ZNF385D: variants seen among roughly 807,000 people sequenced by gnomAD.
ZNF385D encodes zinc finger protein 659.
In ZNF385D, 15 loss-of-function variants were observed where a neutral mutation model predicts 35.8. The ratio of observed to expected loss-of-function variants is 0.42; its 90% confidence interval spans 0.28 to 0.64. The LOEUF is 0.64. Ranked by LOEUF, ZNF385D falls within the 30% of genes least tolerant of loss-of-function variation. The probability of loss-of-function intolerance (pLI) is 0.23; values close to 1 mark genes in which losing one functional copy is unlikely to be tolerated. For missense variants in ZNF385D, 474 were observed against 494.6 expected (o/e 0.96, Z 0.39); for synonymous variants, 212 against 186.8 (o/e 1.13, Z -1.10).
chr3:22,297,629 G>A (rs1447504024), intron 2 of ZNF385D, among the ~76,000 whole-genome samples: 1 of 152,044 alleles, frequency 6.6e-6, no homozygotes, highest in Non-Finnish European at 1.5e-5. Context: ...GTGGAGCAAT[G>A]AGTAATCTGA....
chr3:21,928,480 TAAA>T (rs1251978532), intron 3 of ZNF385D, among the ~76,000 whole-genome samples: 1 of 152,124 alleles, frequency 6.6e-6, no homozygotes. Context: ...CAGCTGGACT[TAAA>T]TGACATCTAT....
At chr3:21,975,752 T>TATAC (rs200007023) in intron 3 of ZNF385D, among the ~76,000 whole-genome samples, 1 of 106,180 alleles carries the variant, frequency 9.4e-6, no homozygotes, top group East Asian at 2.5e-4. Flanking sequence ...TATATATATA[T>TATAC]ATACACACAC....
At chr3:22,210,211 A>G (rs12634631) in intron 2 of ZNF385D, among the ~76,000 whole-genome samples, 18,859 of 151,900 alleles carry the variant, frequency 0.12, 1,249 homozygotes, top group Middle Eastern at 0.18. Flanking sequence ...TAATAATCAT[A>G]AAGATATAGC....
intron 1 of ZNF385D, among the ~76,000 whole-genome samples, chr3:21,737,147 C>T (rs2069283527): frequency 6.6e-6 from 1 of 152,058 alleles, no homozygotes; most frequent in Admixed American, 6.6e-5. Context: ...ACCATGTTGG[C>T]CAGGCTGGTC....
At chr3:21,630,320 C>T (rs1350021886) in intron 2 of ZNF385D, among the ~76,000 whole-genome samples, 2 of 151,416 alleles carry the variant, frequency 1.3e-5, no homozygotes, top group African/African-American at 4.9e-5. Context: ...ATTCTCCTGT[C>T]TCAGCCTCCC....
At chr3:21,865,936 A>G (rs1220311431) in intron 3 of ZNF385D, among the ~76,000 whole-genome samples, 2 of 152,072 alleles carry the variant, frequency 1.3e-5, no homozygotes, top group Non-Finnish European at 1.5e-5. Flanking sequence ...AAGGACACTC[A>G]TGAAATTTAC....
intron 3 of ZNF385D, among the ~76,000 whole-genome samples, chr3:21,865,003 T>TC (rs1559703229): frequency 1.3e-5 from 2 of 148,354 alleles, no homozygotes; most frequent in African/African-American, 5.0e-5. Flanking sequence ...TTTTTTTTTT[T>TC]CTTCCACTTT....
At chr3:22,210,190 G>T (rs566516941) in intron 2 of ZNF385D, among the ~76,000 whole-genome samples, 4 of 151,872 alleles carry the variant, frequency 2.6e-5, no homozygotes, top group Non-Finnish European at 2.9e-5. Context: ...CGCCCATTTA[G>T]AGAGCTGCAT....
At chr3:22,137,126 G>A (rs926733594) in intron 3 of ZNF385D, among the ~76,000 whole-genome samples, 17 of 152,036 alleles carry the variant, frequency 1.1e-4, no homozygotes, top group African/African-American at 3.1e-4. Context: ...GGGGAGCTGC[G>A]GTATATAAGA....
At chr3:22,257,000 T>A (rs1390298719) in intron 2 of ZNF385D, among the ~76,000 whole-genome samples, 2 of 151,776 alleles carry the variant, frequency 1.3e-5, no homozygotes, top group African/African-American at 4.8e-5. Context: ...CTCAGATGAA[T>A]AAGGCACATG....
intron 4 of ZNF385D, among the ~76,000 whole-genome samples, chr3:21,451,421 C>T (rs1346382040): frequency 6.6e-6 from 1 of 152,086 alleles, no homozygotes; most frequent in Admixed American, 6.6e-5. Flanking sequence ...TTACGCATCA[C>T]TCAAAATGAG....
chr3:22,277,089 T>G (rs1448256850), intron 2 of ZNF385D, among the ~76,000 whole-genome samples: 2 of 152,156 alleles, frequency 1.3e-5, no homozygotes, highest in Non-Finnish European at 2.9e-5. Context: ...CTCAAAATTC[T>G]AATTCTAAGT....
At chr3:22,198,183 C>G (rs1027168902) in intron 2 of ZNF385D, among the ~76,000 whole-genome samples, 18 of 115,002 alleles carry the variant, frequency 1.6e-4, no homozygotes, top group African/African-American at 4.9e-4. Flanking sequence ...TCAAAATAAA[C>G]AAAGAATTTC....
upstream of ZNF385D, among the ~76,000 whole-genome samples, chr3:21,756,203 G>T (rs7616119): frequency 7.2e-5 from 11 of 151,950 alleles, no homozygotes; most frequent in East Asian, 1.9e-4. Context: ...CTTGGACCAG[G>T]GAAGAAACAG....
rs886195631 is a variant in ZNF385D at position 21,841,972 on chromosome 3, T to C, written c.326-176944A>G. Among the ~76,000 whole-genome samples, 5 of 151,686 alleles carry C rather than the reference T, an allele frequency of 3.3e-5. No individual in the cohort carries two copies. In the South Asian group the frequency reaches 6.2e-4, roughly 19 times the overall value. ...CACATACACAAACACACATATATAATTGAATCTATATAATTGAAAATGTAT... is the reference window on the plus strand; with the variant it reads ...CACATACACAAACACACATATATAACTGAATCTATATAATTGAAAATGTAT... On this transcript the variant is annotated intron_variant, in intron 3 of 5. Transcript: ENST00000494108.
chr3:21,583,590 T>C (rs115117461), intron 2 of ZNF385D, among the ~76,000 whole-genome samples: 4,856 of 152,240 alleles, frequency 0.032, 250 homozygotes, highest in African/African-American at 0.11. Flanking sequence ...AACATGCTAA[T>C]ATATTTAAAT....
At chr3:22,038,744 G>C (rs1698486260) in intron 3 of ZNF385D, among the ~76,000 whole-genome samples, 1 of 151,882 alleles carries the variant, frequency 6.6e-6, no homozygotes, top group East Asian at 1.9e-4. Flanking sequence ...TGGATGTTAA[G>C]ATTATAGATT....
intron 3 of ZNF385D, among the ~76,000 whole-genome samples, chr3:22,145,949 G>A: frequency 6.6e-6 from 1 of 152,074 alleles, no homozygotes; most frequent in East Asian, 1.9e-4. Flanking sequence ...AACATTTGCT[G>A]TGATTATTAA....
chr3:21,796,771 T>A (rs1295322435), intron 3 of ZNF385D, among the ~76,000 whole-genome samples: 2 of 152,132 alleles, frequency 1.3e-5, no homozygotes, highest in African/African-American at 4.8e-5. Flanking sequence ...AGGTGACACA[T>A]CTAGTTAGTG....
Sources: allele counts gnomAD v4.1 joint callset (sites outside exome capture counted in the v4.1 genomes callset), GRCh38; gene constraint gnomAD v4.1.1; transcripts MANE v1.5; gene names NCBI Gene and HGNC (gene_info 2026-07-23, HGNC 2026-07-21).